Variants in DNMBP observed in about 807,000 individuals in gnomAD.
The protein encoded by DNMBP is dynamin binding protein.
A neutral mutation model predicts 150.0 loss-of-function variants in DNMBP; 87 were observed. That is an observed-to-expected ratio of 0.58 (90% CI 0.49 to 0.69). DNMBP has a LOEUF of 0.69. Ranked by LOEUF, DNMBP falls within the 30% of genes least tolerant of loss-of-function variation. DNMBP has a pLI of 0.00. For missense variants in DNMBP, 1,774 were observed against 1,949.0 expected (o/e 0.91, Z 1.69); for synonymous variants, 711 against 750.4 (o/e 0.95, Z 0.86).
At position 99,896,387 on chromosome 10, in the gene DNMBP, G is replaced by C. The variant is rs746369495; in HGVS notation, c.2931C>G (p.Tyr977Ter). The change falls in exon 10 of 17, where the codon TAC becomes TAG. Residue 977 changes from tyrosine to a stop codon, truncating the protein, a stop_gained. Transcript: ENST00000324109. LOFTEE classifies it high-confidence loss of function. ...YKRRKDLVLK[Y>*]RKGDEDSLME... ...TAAGGCTATCTTCATCACCCTTACGGTACTTGAGGACTAGGGAGTAAGTCA... is the reference window on the plus strand; with the variant it reads ...TAAGGCTATCTTCATCACCCTTACGCTACTTGAGGACTAGGGAGTAAGTCA... 6.2e-7 allele frequency: 1 copy of C among 1,614,090 alleles called. No homozygotes were observed.
Position 99,909,118 on chromosome 10 carries a change from T to G in DNMBP, c.2289A>C (p.Ser763=), listed in dbSNP as rs1230292836. The change falls in exon 5 of 17, where the codon TCA becomes TCC. Residue 763 remains serine (S), a synonymous_variant. Coordinates refer to ENST00000324109, the MANE Select transcript of DNMBP (RefSeq NM_015221.4). ...CAGACCCAGAAGGGGCCACCAGTGATGAAGACTGGGAGGAGAGGAGCGTCA... is the reference window on the plus strand; with the variant it reads ...CAGACCCAGAAGGGGCCACCAGTGAGGAAGACTGGGAGGAGAGGAGCGTCA... ...REMTLLSSQS[S]SLVAPSGSVS... is the part of the protein sequence containing the mutation. 29 of 1,614,102 alleles carry G rather than the reference T, an allele frequency of 1.8e-5. No individual in the cohort carries two copies. Among genetic ancestry groups the G allele is most frequent in the Non-Finnish European group, 2.3e-5 (27 of 1,179,998 alleles).
At position 99,956,206 on chromosome 10, in the gene DNMBP, T is replaced by C. The variant is rs375689275; in HGVS notation, c.1268A>G (p.Asn423Ser). 6.4e-5 allele frequency: 103 copies of C among 1,614,010 alleles called. No homozygotes were observed. Among genetic ancestry groups the C allele is most frequent in the Admixed American group, 1.5e-4 (9 of 60,004 alleles). ...AGAATAATACTGGCTTTTCTGCAAG[T>C]TGGGATGAAAAGGGACCTGAGGTTG... ...SSQPQVPFHP[N>S]LQKSQYYSTV... is the part of the protein sequence containing the mutation. The change falls in exon 4 of 17, where the codon AAC (asparagine) becomes AGC (serine). Residue 423 changes from asparagine to serine, a missense_variant. Coordinates refer to ENST00000324109, the MANE Select transcript of DNMBP (RefSeq NM_015221.4).
chr10:99,907,835 G>T (rs750293018), intron 6 of DNMBP, among the ~76,000 whole-genome samples, 160 bp downstream of exon 6: 2 of 152,186 alleles, frequency 1.3e-5, no homozygotes, highest in African/African-American at 2.4e-5. Flanking sequence ...CCCAAAGTAG[G>T]CTGAGACAGA....
At chr10:99,985,913 GC>G (rs1204930301) in intron 1 of DNMBP, among the ~76,000 whole-genome samples, 1 of 152,088 alleles carries the variant, frequency 6.6e-6, no homozygotes, top group African/African-American at 2.4e-5. Flanking sequence ...ACTATGCCTG[GC>G]TAATTTTTTA....
chr10:99,918,671 A>AT (rs1485859485), intron 4 of DNMBP, among the ~76,000 whole-genome samples: 1 of 150,760 alleles, frequency 6.6e-6, no homozygotes, highest in East Asian at 2.0e-4. Context: ...GGTTCAAACA[A>AT]TTATCCTGCC....
chr10:99,886,430 T>C lies in DNMBP; in HGVS notation c.3488A>G (p.Gln1163Arg). Residue 1163 changes from glutamine to arginine, a missense_variant, in exon 13 of 17, where the codon CAG becomes CGG. Gln to Arg is a conservative substitution (Grantham distance 43). Coordinates refer to ENST00000324109, the MANE Select transcript of DNMBP (RefSeq NM_015221.4). ...GAACTTGGGCAGCTCATCCAGCAGCTGTGCATTCAGGGCCTCATAGTTGTT... is the reference window on the plus strand; with the variant it reads ...GAACTTGGGCAGCTCATCCAGCAGCCGTGCATTCAGGGCCTCATAGTTGTT... Reference protein sequence around the residue: ...ARNNYEALNAQLLDELPKFHQ... With the variant: ...ARNNYEALNARLLDELPKFHQ... 1 of 1,614,216 alleles carries C rather than the reference T, an allele frequency of 6.2e-7. No individual in the cohort carries two copies. The highest frequency in any genetic ancestry group is 8.5e-7 in the Non-Finnish European group (1 of 1,180,038).
chr10:99,959,665 C>T (rs919165024), intron 3 of DNMBP, among the ~76,000 whole-genome samples: 1 of 151,584 alleles, frequency 6.6e-6, no homozygotes, highest in African/African-American at 2.4e-5. Context: ...TCAGCCTGGG[C>T]AACATAGTGA....
At chr10:99,969,028 C>A in intron 3 of DNMBP, 87 bp downstream of exon 3, 1 of 1,538,556 alleles carries the variant, frequency 6.5e-7, no homozygotes, top group Non-Finnish European at 8.9e-7. Context: ...TAAGCCACTT[C>A]ACAAATTCAA....
Position 99,914,101 on chromosome 10 carries a change from A to G in DNMBP, c.2261-4955T>C, listed in dbSNP as rs1403464893. The G allele has an allele frequency of 2.2e-6, 3 of 1,373,528 alleles. No individual in the cohort carries two copies. The South Asian group carries it at 5.4e-5, about 25-fold the overall frequency. The allele number at this position is 1,373,528 out of a possible 1,614,324, so 85.1% of individuals were successfully genotyped here. A position where few individuals can be genotyped will look rare whatever the true frequency, so the allele number is the denominator to read the frequency against. On this transcript the variant is annotated intron_variant, in intron 4 of 16. Transcript: ENST00000324109. Reference sequence around the variant, plus strand: ...TTTCCCCCAGGCTTCCCACATTTACATATGAATCGCGCAAGTCACCCGGGC... The same window carrying G: ...TTTCCCCCAGGCTTCCCACATTTACGTATGAATCGCGCAAGTCACCCGGGC...
At position 99,875,909 on chromosome 10, in the gene DNMBP, T is replaced by TG. The variant is rs1025955397; in HGVS notation, c.*1241dup. ...AATATCTTCCTGAGACTGGGAGGTA[T>TG]GATCAGGCACTTGGGAATCTGGCTT... On this transcript the variant is annotated 3_prime_UTR_variant, in exon 17 of 17. Coordinates refer to ENST00000324109, the MANE Select transcript of DNMBP (RefSeq NM_015221.4). 2.0e-5 allele frequency: 3 copies of TG among 152,176 alleles called. No homozygotes were observed. The highest frequency in any genetic ancestry group is 4.4e-5 in the Non-Finnish European group (3 of 68,024). 9.4% of individuals were successfully genotyped at this position (152,176 alleles called of 1,614,324 possible). A position where few individuals can be genotyped will look rare whatever the true frequency, so the allele number is the denominator to read the frequency against.
chr10:99,983,886 T>C (rs2040803483), intron 1 of DNMBP, among the ~76,000 whole-genome samples: 1 of 152,236 alleles, frequency 6.6e-6, no homozygotes, highest in South Asian at 2.1e-4. Flanking sequence ...ACAGGATACA[T>C]GTCAGAGTTT....
intron 14 of DNMBP, among the ~76,000 whole-genome samples, chr10:99,884,628 G>C (rs2039428767): frequency 6.6e-6 from 1 of 152,136 alleles, no homozygotes; most frequent in African/African-American, 2.4e-5. Flanking sequence ...ATAAATTCAG[G>C]CTGGGCATGG....
chr10:99,923,505 C>T (rs2040045521), intron 4 of DNMBP, among the ~76,000 whole-genome samples: 1 of 152,072 alleles, frequency 6.6e-6, no homozygotes, highest in Non-Finnish European at 1.5e-5. Context: ...AGGCTCAGTT[C>T]TCAGGCACCT....
At chr10:99,990,105 G>A (rs951192428) in intron 1 of DNMBP, among the ~76,000 whole-genome samples, 7 of 152,264 alleles carry the variant, frequency 4.6e-5, no homozygotes, top group South Asian at 2.1e-4. Context: ...ACATCAAAAC[G>A]TACATTCACA....
chr10:99,995,064 T>TG (rs1374730062), intron 1 of DNMBP, among the ~76,000 whole-genome samples: 1 of 136,422 alleles, frequency 7.3e-6, no homozygotes. Flanking sequence ...CAATTTTTTT[T>TG]TTTTTTTTGA....
At chr10:99,900,115 A>G (rs752988707) in intron 6 of DNMBP, 49 bp from the exon 7 acceptor site, 5 of 1,606,476 alleles carry the variant, frequency 3.1e-6, no homozygotes, top group East Asian at 2.2e-5. Flanking sequence ...CTTTCTTCTC[A>G]GTATACTAAA....
chr10:99,915,466 G>A (rs934639980), intron 4 of DNMBP, among the ~76,000 whole-genome samples: 1 of 151,846 alleles, frequency 6.6e-6, no homozygotes, highest in Non-Finnish European at 1.5e-5. Context: ...CAGCATTTTG[G>A]GAGATAGAGG....
At chr10:99,881,754 G>C (rs2255681) in intron 15 of DNMBP, among the ~76,000 whole-genome samples, 21,157 of 152,042 alleles carry the variant, frequency 0.14, 2,250 homozygotes, top group African/African-American at 0.29. Flanking sequence ...TCTGTCCTTC[G>C]TGTCCCACTT....
intron 11 of DNMBP, among the ~76,000 whole-genome samples, chr10:99,892,706 A>G (rs2039591532): frequency 6.7e-6 from 1 of 149,756 alleles, no homozygotes; most frequent in Non-Finnish European, 1.5e-5. Context: ...CTATTGTCCC[A>G]TGACCCTGCC....
Sources: allele counts gnomAD v4.1 joint callset (sites outside exome capture counted in the v4.1 genomes callset), GRCh38; gene constraint gnomAD v4.1.1; transcripts MANE v1.5; gene names NCBI Gene and HGNC (gene_info 2026-07-23, HGNC 2026-07-21).